TGFB3: variants seen among roughly 807,000 people sequenced by gnomAD.
TGFB3 encodes the protein transforming growth factor beta-3 proprotein.
Under a neutral mutation model 40.1 loss-of-function variants are expected in TGFB3, and 5 were observed. The observed-to-expected ratio is 0.12, with a 90% CI of 0.07 to 0.26. The LOEUF (loss-of-function observed/expected upper bound fraction) is 0.26, where lower values mean the gene tolerates loss of function less well. TGFB3 is among the 10% of genes least tolerant of loss of function. The pLI is 1.00. For synonymous variants in TGFB3, 184 were observed against 205.6 expected, an observed-to-expected ratio of 0.89 and a Z score of 0.90; for missense variants, 373 against 530.1, an observed-to-expected ratio of 0.70 and a Z score of 2.91.
intron 3 of TGFB3, among the ~76,000 whole-genome samples, chr14:75,969,346 T>C (rs1011084513): frequency 5.9e-5 from 9 of 152,116 alleles, no homozygotes; most frequent in African/African-American, 2.2e-4. Context: ...GACTGCCATC[T>C]GTGACCCCAA....
At position 75,965,624 on chromosome 14, in the gene TGFB3, C is replaced by T. The variant is rs2035212205; in HGVS notation, c.718G>A (p.Glu240Lys). The T allele has an allele frequency of 6.2e-7, 1 of 1,614,020 alleles. No homozygotes were observed. The highest frequency in any genetic ancestry group is 1.7e-5 in the Admixed American group (1 of 60,002). Residue 240 changes from glutamate (E) to lysine (K), a missense_variant, in exon 4 of 7, where the codon GAA (glutamate) becomes AAA (lysine). Physicochemically the swap from Glu to Lys is moderately conservative, Grantham distance 56. Coordinates refer to ENST00000238682, the MANE Select transcript of TGFB3 (RefSeq NM_003239.5). ...ATTTCCATCACCTCGTGAATGTTTT[C>T]CAGGATATCTCCATTGGGCTGAAAG... ...HTFQPNGDIL[E>K]NIHEVMEIKF...
rs1025589399 is a variant in TGFB3, at chr14:75,981,043, T to C, written c.-150A>G. The C allele has an allele frequency of 6.9e-6, 5 of 722,522 alleles. No individual in the cohort carries two copies. The highest frequency in any genetic ancestry group is 1.2e-5 in the Non-Finnish European group (5 of 411,650). 44.8% of individuals were successfully genotyped at this position (722,522 alleles called of 1,614,324 possible). On this transcript the variant is annotated 5_prime_UTR_variant, in exon 1 of 7. Coordinates refer to ENST00000238682, the MANE Select transcript of TGFB3 (RefSeq NM_003239.5). This position sits in a 1 kb window ranked among gnomAD's most constrained non-coding sequence, Gnocchi z 4.7. ...AAGAAGGTGCATGAACTCACTGCACTGCGAGAGCTTCAGGACTTCCAGGAA... is the reference window on the plus strand; with the variant it reads ...AAGAAGGTGCATGAACTCACTGCACCGCGAGAGCTTCAGGACTTCCAGGAA...
Position 75,959,094 on chromosome 14 carries a change from T to C in TGFB3, c.*93A>G. ...AGCCGAAGGTTGTGGGCTCCAGGCC[T>C]CTCAGTGAGGTTTGTTGCTTGTGTG... is the stretch of plus-strand genomic sequence containing the variant. On this transcript the variant is annotated 3_prime_UTR_variant, in exon 7 of 7. Coordinates refer to ENST00000238682, the MANE Select transcript of TGFB3 (RefSeq NM_003239.5). 6.4e-7 allele frequency: 1 copy of C among 1,552,214 alleles called. No individual in the cohort carries two copies. Among genetic ancestry groups the C allele is most frequent in the Non-Finnish European group, 8.9e-7 (1 of 1,125,624 alleles).
chr14:75,959,008 CTCAGAG>C lies in TGFB3; in HGVS notation c.*173_*178del. The C allele has an allele frequency of 1.3e-6, 1 of 759,344 alleles. No individual in the cohort carries two copies. Among genetic ancestry groups the C allele is most frequent in the South Asian group, 1.5e-5 (1 of 64,686 alleles). The allele number at this position is 759,344 out of a possible 1,614,324, so 47.0% of individuals were successfully genotyped here. A position where few individuals can be genotyped will look rare whatever the true frequency, so the allele number is the denominator to read the frequency against. The stretch of plus-strand genomic sequence containing the variant: ...CCACACTTTCTTTACCACCGTGATT[CTCAGAG>C]CCAGCAAGAAAGAAATGTTCCAAAA... On this transcript the variant is annotated 3_prime_UTR_variant, in exon 7 of 7. Transcript: ENST00000238682.
chr14:75,975,310 G>A (rs530954011), intron 1 of TGFB3, among the ~76,000 whole-genome samples: 2 of 152,296 alleles, frequency 1.3e-5, no homozygotes, highest in South Asian at 4.1e-4. Context: ...AGAAGCTACA[G>A]TGAGCCGAGA....
chr14:75,980,278 C>G lies in TGFB3; in HGVS notation c.352+264G>C, dbSNP rs182250091. Among the ~76,000 whole-genome samples, 158 of 152,288 alleles carry G rather than the reference C, an allele frequency of 1.0e-3. 3 individuals are homozygous for G. Among genetic ancestry groups the G allele is most frequent in the Admixed American group, 0.01 (158 of 15,304 alleles). On this transcript the variant is annotated intron_variant, in intron 1 of 6. Coordinates refer to ENST00000238682, the MANE Select transcript of TGFB3 (RefSeq NM_003239.5). The surrounding 1 kb of genome is among the most constrained non-coding windows in gnomAD (Gnocchi z 4.3). ...AATGTAATTCCAAATTAAAATCAGT[C>G]AAGGATGTGATGTGAATTCAGCAAG...
At position 75,971,101 on chromosome 14, in the gene TGFB3, A is replaced by G. The variant is rs2035284987; in HGVS notation, c.646+25T>C. Reference sequence around the variant, plus strand: ...TAAGGGACCTGAGGTTCATTCTGAAATGCTTATCTGAAGGGTCCACCTACC... The same window carrying G: ...TAAGGGACCTGAGGTTCATTCTGAAGTGCTTATCTGAAGGGTCCACCTACC... On this transcript the variant is annotated intron_variant, in intron 3 of 6. Transcript: ENST00000238682. The surrounding 1 kb of genome is among the most constrained non-coding windows in gnomAD (Gnocchi z 4.5). 4.3e-6 allele frequency: 7 copies of G among 1,613,074 alleles called. No homozygotes were observed. The highest frequency in any genetic ancestry group is 5.9e-6 in the Non-Finnish European group (7 of 1,179,854).
intron 1 of TGFB3, among the ~76,000 whole-genome samples, chr14:75,974,116 G>A (rs1320458040): frequency 6.6e-6 from 1 of 152,132 alleles, no homozygotes; most frequent in Non-Finnish European, 1.5e-5. Flanking sequence ...CTCCAACCTG[G>A]GCAACAGAGT....
At chr14:75,973,071 C>G (rs773212587) in intron 1 of TGFB3, among the ~76,000 whole-genome samples, 12 of 152,246 alleles carry the variant, frequency 7.9e-5, no homozygotes, top group Non-Finnish European at 1.2e-4. Context: ...TTTCTCTGCT[C>G]CTGTACACTT....
intron 5 of TGFB3, 92 bp downstream of exon 5, chr14:75,963,224 T>C (rs2035178794): frequency 7.0e-7 from 1 of 1,420,356 alleles, no homozygotes; most frequent in Non-Finnish European, 1.0e-6. Context: ...TCAGGGACCC[T>C]CTGTTGAGTG....
chr14:75,960,526 CTTG>C (rs1446301946), intron 6 of TGFB3: 5 of 211,396 alleles, frequency 2.4e-5, no homozygotes, highest in Admixed American at 5.3e-5. Flanking sequence ...CTTGTCCATC[CTTG>C]TTGTTGTCTT....
chr14:75,982,981 C>CGA (rs892155751), upstream of TGFB3: 2 of 152,360 alleles, frequency 1.3e-5, no homozygotes, highest in African/African-American at 4.8e-5. The surrounding 1 kb of genome is among the most constrained non-coding windows in gnomAD (Gnocchi z 4.0). Context: ...CTTCTCGGCC[C>CGA]GAACCTCTAG....
chr14:75,974,286 C>T (rs1406187371), intron 1 of TGFB3, among the ~76,000 whole-genome samples: 1 of 152,052 alleles, frequency 6.6e-6, no homozygotes, highest in Non-Finnish European at 1.5e-5. Context: ...TGGTTTCTTC[C>T]AGCCTATCAA....
Position 75,963,908 on chromosome 14 carries a change from G to A in TGFB3, c.755-421C>T, listed in dbSNP as rs562495182. 7.2e-5 allele frequency among the ~76,000 whole-genome samples: 11 copies of A among 151,910 alleles called. No individual in the cohort carries two copies. The East Asian group carries it at 9.7e-4, about 13-fold the overall frequency. ...TTTGTTTGTTTTGAGACAGAGTCTC[G>A]CTCTGTTGGCCAGGCTGGAGTGCAG... On this transcript the variant is annotated intron_variant, in intron 4 of 6. Transcript: ENST00000238682.
chr14:75,973,091 A>G (rs971472888), intron 1 of TGFB3, among the ~76,000 whole-genome samples: 11 of 152,224 alleles, frequency 7.2e-5, no homozygotes, highest in Non-Finnish European at 1.5e-4. Flanking sequence ...TGACAGCCTC[A>G]AGGTCTGAGC....
rs1330117276 is a variant in TGFB3 at position 75,980,361 on chromosome 14, C to T, written c.352+181G>A. Among the ~76,000 whole-genome samples the T allele has an allele frequency of 6.6e-6, 1 of 152,222 alleles. No homozygotes were observed. Among genetic ancestry groups the T allele is most frequent in the Non-Finnish European group, 1.5e-5 (1 of 68,042 alleles). ...AGCGCCGGCTCTTAACAGAATGGCT[C>T]TATCTCCTTCCCCACCCACCTCCCC... On this transcript the variant is annotated intron_variant, in intron 1 of 6. Transcript: ENST00000238682. This position sits in a 1 kb window ranked among gnomAD's most constrained non-coding sequence, Gnocchi z 4.3.
In TGFB3 at chr14:75,979,634, C is replaced by T. The variant is rs370072238; in HGVS notation, c.352+908G>A. On this transcript the variant is annotated intron_variant, in intron 1 of 6. Coordinates refer to ENST00000238682, the MANE Select transcript of TGFB3 (RefSeq NM_003239.5). The surrounding 1 kb of genome is among the most constrained non-coding windows in gnomAD (Gnocchi z 4.8). The stretch of plus-strand genomic sequence containing the variant: ...TACCAACACACACAGACATCTCGCC[C>T]AGAAGCCGCCCGGCTCCTCCATGCA... Among the ~76,000 whole-genome samples, 2 of 152,164 alleles carry T rather than the reference C, an allele frequency of 1.3e-5. No individual in the cohort carries two copies. Among genetic ancestry groups the T allele is most frequent in the South Asian group, 4.2e-4 (2 of 4,814 alleles).
Position 75,971,031 on chromosome 14 carries a change from C to T in TGFB3, c.646+95G>A. On this transcript the variant is annotated intron_variant, in intron 3 of 6. Coordinates refer to ENST00000238682, the MANE Select transcript of TGFB3 (RefSeq NM_003239.5). This position sits in a 1 kb window ranked among gnomAD's most constrained non-coding sequence, Gnocchi z 4.5. ...AAAGCTAGGGTTTGAACCCAGATCT[C>T]TGACTCCCTTAATTCTGTCCTCTTC... The T allele has an allele frequency of 6.4e-7, 1 of 1,573,966 alleles. No individual in the cohort carries two copies. The highest frequency in any genetic ancestry group is 8.7e-7 in the Non-Finnish European group (1 of 1,154,902).
Position 75,978,811 on chromosome 14 carries a change from C to T in TGFB3, c.352+1731G>A, listed in dbSNP as rs567378711. On this transcript the variant is annotated intron_variant, in intron 1 of 6. Coordinates refer to ENST00000238682, the MANE Select transcript of TGFB3 (RefSeq NM_003239.5). The surrounding 1 kb of genome is among the most constrained non-coding windows in gnomAD (Gnocchi z 5.0). Reference sequence around the variant, plus strand: ...CTCATTCATTCTCAGCTCAGGATTCCGGGATGGGGGGGTCCTGGTGACTCA... The same window carrying T: ...CTCATTCATTCTCAGCTCAGGATTCTGGGATGGGGGGGTCCTGGTGACTCA... Among the ~76,000 whole-genome samples, 2 of 152,188 alleles carry T rather than the reference C, an allele frequency of 1.3e-5. No homozygotes were observed. Among genetic ancestry groups the T allele is most frequent in the African/African-American group, 2.4e-5 (1 of 41,444 alleles).
Sources: gnomAD v4.1 joint callset for allele counts (sites outside exome capture counted in the v4.1 genomes callset) on GRCh38, gnomAD v4.1.1 for gene constraint, Gnocchi (gnomAD v3.1) non-coding constraint, MANE v1.5 for transcripts, NCBI Gene and HGNC (gene_info 2026-07-23, HGNC 2026-07-21) for gene names.